The following APOH variants were observed in gnomAD, a reference collection of about 807,000 sequenced individuals.
The protein encoded by APOH is beta-2-glycoprotein 1.
In APOH, 48 loss-of-function variants were observed where a neutral mutation model predicts 39.8. The observed-to-expected ratio is 1.21, with a 90% CI of 0.96 to 1.54. The LOEUF (loss-of-function observed/expected upper bound fraction) is 1.54. Ranked by LOEUF, APOH falls within the 40% of genes most tolerant of loss-of-function variation. APOH has a pLI of 0.00. For missense variants in APOH, 415 were observed against 421.2 expected (o/e 0.99, Z 0.13); for synonymous variants, 153 against 151.1 (o/e 1.01, Z -0.09).
chr17:66,223,818 T>C, intron 3 of APOH, 44 bp from the exon 4 acceptor site: 1 of 1,509,060 alleles, frequency 6.6e-7, no homozygotes, highest in East Asian at 2.3e-5. Context: ...AAATAATCCA[T>C]CACTGACATC....
Position 66,220,545 on chromosome 17 carries a change from T to G in APOH, c.604+9A>C. The stretch of plus-strand genomic sequence containing the variant: ...TACCATGCGTATTTTGTCTGATCAT[T>G]GCACTTACCCCTGCATTCTGGTAAT... On this transcript the variant is annotated intron_variant, in intron 5 of 7. Transcript: ENST00000205948. 6.2e-7 allele frequency: 1 copy of G among 1,612,918 alleles called. No individual in the cohort carries two copies. Among genetic ancestry groups the G allele is most frequent in the Non-Finnish European group, 8.5e-7 (1 of 1,178,950 alleles).
At chr17:66,214,734 G>A (rs2073354660) in intron 6 of APOH, 84 bp from the exon 7 acceptor site, 4 of 1,174,732 alleles carry the variant, frequency 3.4e-6, no homozygotes, top group Non-Finnish European at 2.5e-6. Flanking sequence ...AACAGTAGAT[G>A]AGTACACCTA....
intron 7 of APOH, among the ~76,000 whole-genome samples, 183 bp from the exon 8 acceptor site, chr17:66,212,371 A>ATTTTCT (rs745654905): frequency 2.4e-4 from 37 of 152,172 alleles, no homozygotes; most frequent in African/African-American, 6.5e-4. Flanking sequence ...TAAGACCCTC[A>ATTTTCT]TTTTCTTTTT....
chr17:66,223,251 C>T (rs1474538001), intron 4 of APOH, among the ~76,000 whole-genome samples: 1 of 152,204 alleles, frequency 6.6e-6, no homozygotes, highest in Non-Finnish European at 1.5e-5. Flanking sequence ...ACAGTAGATC[C>T]TCAATTCATG....
chr17:66,222,116 G>A (rs8178920), intron 4 of APOH, among the ~76,000 whole-genome samples: 20 of 152,274 alleles, frequency 1.3e-4, no homozygotes, highest in African/African-American at 3.4e-4. Flanking sequence ...GCTAGGCACC[G>A]TGGTTCACGC....
intron 7 of APOH, among the ~76,000 whole-genome samples, chr17:66,212,416 G>A (rs1452160859): frequency 6.6e-5 from 10 of 151,696 alleles, no homozygotes; most frequent in Non-Finnish European, 1.3e-4. Context: ...ACAGAGTCTC[G>A]CCCTGTTGCC....
chr17:66,215,298 G>A lies in APOH; in HGVS notation c.785-648C>T, dbSNP rs191671034. Among the ~76,000 whole-genome samples, 78 of 152,256 alleles carry A rather than the reference G, an allele frequency of 5.1e-4. 1 individual carries two copies. Among genetic ancestry groups the A allele is most frequent in the African/African-American group, 1.8e-3 (73 of 41,556 alleles). On this transcript the variant is annotated intron_variant, in intron 6 of 7. Transcript: ENST00000205948. ...CAGAGACCACATTTCTCCCTGGCTC[G>A]GCAGCATTAGCATCACCAGGGAACC...
chr17:66,213,278 G>T (rs1941329002), intron 7 of APOH, among the ~76,000 whole-genome samples: 1 of 152,212 alleles, frequency 6.6e-6, no homozygotes, highest in African/African-American at 2.4e-5. Flanking sequence ...CCCTAAATCT[G>T]AAACCTTAAA....
intron 6 of APOH, among the ~76,000 whole-genome samples, chr17:66,216,248 CGA>C (rs1567738337): frequency 6.6e-6 from 1 of 151,328 alleles, no homozygotes; most frequent in African/African-American, 2.4e-5. Flanking sequence ...CTACAGAGGC[CGA>C]GGCGGGCGGA....
intron 3 of APOH, among the ~76,000 whole-genome samples, chr17:66,224,559 G>T: frequency 8.1e-6 from 1 of 123,064 alleles, no homozygotes; most frequent in Non-Finnish European, 1.6e-5. Context: ...AGAAAGAAAA[G>T]AAAAGAAAGA....
At position 66,226,011 on chromosome 17, in the gene APOH, TC is replaced by T. The variant is rs1455488474; in HGVS notation, c.338+16del. On this transcript the variant is annotated intron_variant, in intron 3 of 7. Coordinates refer to ENST00000205948, the MANE Select transcript of APOH (RefSeq NM_000042.3). ...GTGCTCAGTCTGTTAACTGCTTAGT[TC>T]CATGAAAGTTCTTACCCAGTGTTAC... 1 of 1,578,406 alleles carries T rather than the reference TC, an allele frequency of 6.3e-7. No homozygotes were observed. The highest frequency in any genetic ancestry group is 1.3e-5 in the African/African-American group (1 of 74,182).
chr17:66,217,717 G>A (rs997142720), intron 5 of APOH, among the ~76,000 whole-genome samples: 3 of 152,126 alleles, frequency 2.0e-5, no homozygotes, highest in African/African-American at 4.8e-5. Context: ...TTGGGAGGCT[G>A]AGGTGGATGC....
intron 6 of APOH, 36 bp from the exon 7 acceptor site, chr17:66,214,686 G>C (rs1030054449): frequency 6.5e-7 from 1 of 1,546,230 alleles, no homozygotes; most frequent in African/African-American, 1.4e-5. Flanking sequence ...GGACTTAAGA[G>C]TTCAGGAAGT....
chr17:66,218,151 C>T (rs961961162), intron 5 of APOH, among the ~76,000 whole-genome samples: 9 of 152,106 alleles, frequency 5.9e-5, no homozygotes, highest in African/African-American at 1.9e-4. Context: ...AGTGGATATT[C>T]ACATGGTTTC....
intron 5 of APOH, among the ~76,000 whole-genome samples, chr17:66,218,862 T>C (rs1340647399): frequency 4.6e-5 from 7 of 151,878 alleles, no homozygotes; most frequent in African/African-American, 1.7e-4. Context: ...TTATAAAAAT[T>C]AGCTGGGCGT....
intron 4 of APOH, 94 bp downstream of exon 4, chr17:66,223,604 G>T: frequency 9.4e-7 from 1 of 1,062,162 alleles, no homozygotes; most frequent in Non-Finnish European, 1.5e-6. Flanking sequence ...ATCTCATTGA[G>T]CTGTGACTGA....
intron 4 of APOH, among the ~76,000 whole-genome samples, chr17:66,222,505 T>G (rs544623412): frequency 6.6e-6 from 1 of 152,082 alleles, no homozygotes; most frequent in East Asian, 1.9e-4. Flanking sequence ...AAAACTTTCG[T>G]TTTTGCTTGT....
At chr17:66,228,804 A>AC (rs1457806286) in intron 1 of APOH, among the ~76,000 whole-genome samples, 2 of 150,772 alleles carry the variant, frequency 1.3e-5, no homozygotes, top group East Asian at 3.9e-4. Context: ...TGTCTCAAAA[A>AC]AAAAAAAAAA....
At position 66,220,555 on chromosome 17, in the gene APOH, C is replaced by G. The variant is rs1377546448; in HGVS notation, c.603G>C (p.Arg201Ser). The change falls in exon 5 of 8, where the codon AGG becomes AGC. Residue 201 changes from arginine (R) to serine (S), a missense_variant and splice_region_variant. By Grantham distance (110) the Arg-to-Ser change is moderately radical (BLOSUM62 -1). Coordinates refer to ENST00000205948, the MANE Select transcript of APOH (RefSeq NM_000042.3). ...HGNWTKLPEC[R>S]EVKCPFPSRP... ...ATTTTGTCTGATCATTGCACTTACC[C>G]CTGCATTCTGGTAATTTAGTCCAAT... 6.2e-7 allele frequency: 1 copy of G among 1,613,820 alleles called. No individual in the cohort carries two copies. The highest frequency in any genetic ancestry group is 1.7e-5 in the Admixed American group (1 of 60,002).
Sources: gnomAD v4.1 joint callset for allele counts (sites outside exome capture counted in the v4.1 genomes callset) on GRCh38, gnomAD v4.1.1 for gene constraint, MANE v1.5 for transcripts, NCBI Gene and HGNC (gene_info 2026-07-23, HGNC 2026-07-21) for gene names.